Variants in SLX4 observed in about 807,000 individuals in gnomAD.
SLX4 encodes the protein SLX4 structure-specific endonuclease subunit.
Under a neutral mutation model 146.2 loss-of-function variants are expected in SLX4, and 112 were observed. That is an observed-to-expected ratio of 0.77 (90% CI 0.66 to 0.90). The LOEUF (loss-of-function observed/expected upper bound fraction) is 0.90. Ranked by LOEUF, SLX4 falls within the 40% of genes least tolerant of loss-of-function variation. The probability of loss-of-function intolerance (pLI) is 0.00; values close to 1 mark genes in which losing one functional copy is unlikely to be tolerated. For synonymous variants in SLX4, 1,061 were observed against 997.7 expected (o/e 1.06, Z -1.20); for missense variants, 2,563 against 2,392.7 (o/e 1.07, Z -1.49).
intron 12 of SLX4, among the ~76,000 whole-genome samples, chr16:3,587,111 A>T (rs1044995529): frequency 4.3e-4 from 65 of 152,346 alleles, no homozygotes; most frequent in African/African-American, 1.5e-3. Context: ...CAATTGTACA[A>T]CACTGTGAAT....
At position 3,589,582 on chromosome 16, in the gene SLX4, C is replaced by A. The variant is rs768415277; in HGVS notation, c.4056G>T (p.Pro1352=). The A allele has an allele frequency of 1.2e-6, 2 of 1,613,174 alleles. No homozygotes were observed. The highest frequency in any genetic ancestry group is 2.2e-5 in the East Asian group (1 of 44,874). The change falls in exon 12 of 15, where the codon CCG becomes CCT. Residue 1352 remains proline, a synonymous_variant. Transcript: ENST00000294008. The surrounding 1 kb of genome is among the most constrained non-coding windows in gnomAD (Gnocchi z 6.2). ...SPSRPHPGGH[P]HSSPLAPHPI... ...GATGTGGAGCCAGCGGAGAGGAGTG[C>A]GGGTGGCCCCCGGGGTGGGGACGGG...
rs1449991903 is a variant in SLX4, at chr16:3,606,589, C to T, written c.645G>A (p.Gln215=). 6.2e-6 allele frequency: 10 copies of T among 1,614,096 alleles called. No homozygotes were observed. The highest frequency in any genetic ancestry group is 1.7e-5 in the Admixed American group (1 of 59,998). The stretch of plus-strand genomic sequence containing the variant: ...AACGCTCGGGGTCTGCTCTCTTGAA[C>T]TGCTGCATTCGCTGTAGGACCAATT... ...TAQLVLQRMQ[Q]FKRADPERLR... Residue 215 remains glutamine, a synonymous_variant, in exon 3 of 15, where the codon CAG becomes CAA. Transcript: ENST00000294008.
intron 13 of SLX4, among the ~76,000 whole-genome samples, chr16:3,584,141 C>T (rs942861345): frequency 4.0e-5 from 6 of 150,454 alleles, no homozygotes; most frequent in Admixed American, 1.3e-4. Context: ...ATCAGGCCTC[C>T]GCCGGGCACA....
At position 3,611,566 on chromosome 16, in the gene SLX4, C is replaced by G. The variant is rs2040876020; in HGVS notation, c.-609G>C. 1 of 152,450 alleles carries G rather than the reference C, an allele frequency of 6.6e-6. No homozygotes were observed. The highest frequency in any genetic ancestry group is 2.1e-4 in the South Asian group (1 of 4,836). 9.4% of individuals were successfully genotyped at this position (152,450 alleles called of 1,614,324 possible). On this transcript the variant is annotated 5_prime_UTR_variant, in exon 1 of 15. Coordinates refer to ENST00000294008, the MANE Select transcript of SLX4 (RefSeq NM_032444.4). Reference sequence around the variant, plus strand: ...ACAGCCCGGCTCCTCCTACCTCCGGCGCCGCCGCGGCACCTTCTTAACGGA... The same window carrying G: ...ACAGCCCGGCTCCTCCTACCTCCGGGGCCGCCGCGGCACCTTCTTAACGGA...
chr16:3,602,201 C>T lies in SLX4; in HGVS notation c.867G>A (p.Glu289=). ...TCTGGCAGAAGAACAAACCCTTTTC[C>T]TCCAGGCTATCATCATGTGCCGATG... ...VGASAHDDSL[E]EKGLFFCQIC... is the part of the protein sequence containing the mutation. The change falls in exon 4 of 15, where the codon GAG becomes GAA. Residue 289 remains glutamate, a synonymous_variant. Transcript: ENST00000294008. 6.2e-7 allele frequency: 1 copy of T among 1,614,178 alleles called. No homozygotes were observed. The highest frequency in any genetic ancestry group is 8.5e-7 in the Non-Finnish European group (1 of 1,180,020).
Position 3,605,807 on chromosome 16 carries a change from C to A in SLX4, c.760+667G>T, listed in dbSNP as rs376418856. On this transcript the variant is annotated intron_variant, in intron 3 of 14. Coordinates refer to ENST00000294008, the MANE Select transcript of SLX4 (RefSeq NM_032444.4). The stretch of plus-strand genomic sequence containing the variant: ...CTAAAAATACAAAAAATTAGCCAGG[C>A]GTGGTGGTGGGAGCCTGTAGTCCCA... Among the ~76,000 whole-genome samples the A allele has an allele frequency of 9.0e-3, 1,367 of 151,482 alleles. 26 individuals are homozygous for A. The highest frequency in any genetic ancestry group is 0.032 in the African/African-American group (1,303 of 41,282).
intron 12 of SLX4, among the ~76,000 whole-genome samples, chr16:3,587,898 G>A (rs956373664): frequency 4.6e-5 from 7 of 151,070 alleles, no homozygotes; most frequent in East Asian, 1.9e-4. Flanking sequence ...AGCCCAGCCC[G>A]GCCTGTCCTT....
At position 3,590,277 on chromosome 16, in the gene SLX4, A is replaced by G. The variant is rs778724281; in HGVS notation, c.3361T>C (p.Ser1121Pro). Residue 1121 changes from serine to proline, a missense_variant, in exon 12 of 15, where the codon TCT (serine) becomes CCT (proline). Transcript: ENST00000294008. This position sits in a 1 kb window ranked among gnomAD's most constrained non-coding sequence, Gnocchi z 4.8. Reference protein sequence around the residue: ...NKGVLMFPEKSPSIDLTQSNP... With the variant: ...NKGVLMFPEKPPSIDLTQSNP... ...GACTGGGTTAGGTCAATAGACGGAG[A>G]TTTTTCTGGGAACATCAGGACCCCC... 5.0e-6 allele frequency: 8 copies of G among 1,613,676 alleles called. No individual in the cohort carries two copies. The South Asian group carries it at 5.5e-5, about 11-fold the overall frequency.
chr16:3,598,082 T>A, intron 5 of SLX4, 83 bp from the exon 6 acceptor site: 1 of 1,534,904 alleles, frequency 6.5e-7, no homozygotes, highest in Non-Finnish European at 9.0e-7. Flanking sequence ...TGGAGAGGGC[T>A]GGGCCTGAGA....
chr16:3,595,934 GCT>G (rs2151129606), intron 8 of SLX4, among the ~76,000 whole-genome samples: 1 of 152,354 alleles, frequency 6.6e-6, no homozygotes, highest in Admixed American at 6.5e-5. Flanking sequence ...TGGGCAGACA[GCT>G]CTGTCTTTGG....
intron 9 of SLX4, 24 bp downstream of exon 9, chr16:3,595,581 G>A: frequency 6.2e-7 from 1 of 1,612,710 alleles, no homozygotes; most frequent in Admixed American, 1.7e-5. Context: ...GGACCAGAGA[G>A]CGCGGGCCAG....
chr16:3,608,368 AT>A, intron 2 of SLX4, 61 bp downstream of exon 2: 1 of 1,592,894 alleles, frequency 6.3e-7, no homozygotes, highest in Non-Finnish European at 8.6e-7. Context: ...AAGCCAAAAT[AT>A]TTACGATCTG....
Position 3,608,995 on chromosome 16 carries a change from C to A in SLX4, c.-31G>T, listed in dbSNP as rs949686800. 2.1e-5 allele frequency: 34 copies of A among 1,604,404 alleles called. No individual in the cohort carries two copies. The highest frequency in any genetic ancestry group is 2.9e-5 in the Non-Finnish European group (34 of 1,177,004). Reference sequence around the variant, plus strand: ...TTCTTCTCTACTTCTCCATTAGATACTTGGAGAGTTTGCACAATTGAACAA... The same window carrying A: ...TTCTTCTCTACTTCTCCATTAGATAATTGGAGAGTTTGCACAATTGAACAA... On this transcript the variant is annotated 5_prime_UTR_variant, in exon 2 of 15. Transcript: ENST00000294008.
chr16:3,598,889 T>C (rs2040696986), intron 5 of SLX4, among the ~76,000 whole-genome samples: 1 of 152,146 alleles, frequency 6.6e-6, no homozygotes, highest in African/African-American at 2.4e-5. Flanking sequence ...AGGTTTGGGC[T>C]GTGGGGAAAG....
rs1238837171 is a variant in SLX4, at chr16:3,586,802, A to C, written c.4637-1931T>G. Among the ~76,000 whole-genome samples the C allele has an allele frequency of 4.0e-5, 6 of 151,354 alleles. No individual in the cohort carries two copies. The East Asian group carries it at 1.2e-3, about 29-fold the overall frequency. The stretch of plus-strand genomic sequence containing the variant: ...CACTGCACTCTAGCCTGGGCAACAG[A>C]GAGAGGCTCCGTCTCAAAAAAAAAA... On this transcript the variant is annotated intron_variant, in intron 12 of 14. Transcript: ENST00000294008.
intron 9 of SLX4, 60 bp downstream of exon 9, chr16:3,595,545 C>G: frequency 6.3e-7 from 1 of 1,593,440 alleles, no homozygotes; most frequent in East Asian, 2.2e-5. Flanking sequence ...CCAACCCCAC[C>G]ACACACATGG....
chr16:3,583,301 C>T lies in SLX4; in HGVS notation c.4949G>A (p.Gly1650Glu), dbSNP rs1567166441. 2.5e-6 allele frequency: 4 copies of T among 1,614,142 alleles called. No homozygotes were observed. The highest frequency in any genetic ancestry group is 1.7e-6 in the Non-Finnish European group (2 of 1,180,014). Residue 1650 changes from glycine (G) to glutamate (E), a missense_variant, in exon 14 of 15, where the codon GGA becomes GAA. By Grantham distance (98) the Gly-to-Glu change is moderately conservative (BLOSUM62 -2). Coordinates refer to ENST00000294008, the MANE Select transcript of SLX4 (RefSeq NM_032444.4). ...TCCCTTGGGCCTATGGGCCCCAGGT[C>T]CTGTGGTGGCCTCCTGCTGGGCATG... is the stretch of plus-strand genomic sequence containing the variant. ...GVHAQQEATTGPGAHRPKGPA... is the reference protein window; with the variant it reads ...GVHAQQEATTEPGAHRPKGPA...
In SLX4 at chr16:3,601,108, G is replaced by T. The variant is rs751770341; in HGVS notation, c.1034C>A (p.Thr345Asn). 1.4e-5 allele frequency: 22 copies of T among 1,614,044 alleles called. No individual in the cohort carries two copies. Among genetic ancestry groups the T allele is most frequent in the Non-Finnish European group, 1.8e-5 (21 of 1,180,044 alleles). Residue 345 changes from threonine (T) to asparagine (N), a missense_variant, in exon 5 of 15, where the codon ACC becomes AAC. Transcript: ENST00000294008. ...ECPICGKPFL[T>N]LKSRTSHLKQ... is the part of the protein sequence containing the mutation. ...CAAGTGACTGGTTCTGCTCTTTAAG[G>T]TAAGAAACGGTTTCCCACAAATCGG...
intron 4 of SLX4, chr16:3,601,823 G>C: frequency 2.4e-6 from 1 of 408,426 alleles, no homozygotes; most frequent in Non-Finnish European, 4.6e-6. Flanking sequence ...GGGAGTGGCT[G>C]CCAATGGGTG....
Sources: gnomAD v4.1 joint callset for allele counts (sites outside exome capture counted in the v4.1 genomes callset) on GRCh38, gnomAD v4.1.1 for gene constraint, Gnocchi (gnomAD v3.1) non-coding constraint, MANE v1.5 for transcripts, NCBI Gene and HGNC (gene_info 2026-07-23, HGNC 2026-07-21) for gene names.